The following PARP4 variants were observed in gnomAD, a reference collection of about 807,000 sequenced individuals.
PARP4 encodes poly(ADP-ribose) polymerase family member 4, also known as protein mono-ADP-ribosyltransferase PARP4.
In PARP4, 120 loss-of-function variants were observed where a neutral mutation model predicts 187.7. The observed-to-expected ratio is 0.64, with a 90% CI of 0.55 to 0.74. PARP4 has a LOEUF of 0.74. Among genes scored for constraint, PARP4 ranks in the 30% least tolerant of loss-of-function variants. The pLI is 0.00. For synonymous variants in PARP4, 654 were observed against 740.9 expected (o/e 0.88, Z 1.90); for missense variants, 1,836 against 2,070.5 (o/e 0.89, Z 2.20).
At chr13:24,483,646 G>A (rs1454361314) in intron 12 of PARP4, among the ~76,000 whole-genome samples, 3 of 151,810 alleles carry the variant, frequency 2.0e-5, no homozygotes, top group Non-Finnish European at 4.4e-5. Flanking sequence ...CATTTTTTGA[G>A]ACAGAATCTT....
intron 26 of PARP4, 91 bp downstream of exon 26, chr13:24,446,925 T>C: frequency 6.7e-7 from 1 of 1,483,532 alleles, no homozygotes; most frequent in Non-Finnish European, 9.1e-7. Flanking sequence ...GAAGAAAATC[T>C]GCTGGTGAGA....
chr13:24,461,333 T>C (rs1872206037), intron 17 of PARP4, among the ~76,000 whole-genome samples: 1 of 152,228 alleles, frequency 6.6e-6, no homozygotes, highest in Admixed American at 6.5e-5. Flanking sequence ...CTGGGGTTCA[T>C]TTGAGACACT....
chr13:24,491,223 C>T (rs1405530760), intron 9 of PARP4, among the ~76,000 whole-genome samples: 6 of 151,694 alleles, frequency 4.0e-5, no homozygotes, highest in African/African-American at 9.7e-5. Context: ...TGGGTTCAAG[C>T]GATTCTCCTG....
intron 26 of PARP4, 103 bp downstream of exon 26, chr13:24,446,910 CAGA>C (rs1871237901): frequency 2.8e-6 from 4 of 1,454,348 alleles, no homozygotes; most frequent in Non-Finnish European, 2.8e-6. Flanking sequence ...GCTGTGTTCC[CAGA>C]AGAAGAAAAT....
At chr13:24,512,492 C>A (rs1331962262) in intron 1 of PARP4, among the ~76,000 whole-genome samples, 3 of 152,204 alleles carry the variant, frequency 2.0e-5, no homozygotes, top group African/African-American at 7.2e-5. Flanking sequence ...AGGGCTGCGC[C>A]GCGGGGCAGA....
chr13:24,440,419 T>A (rs200082589), intron 30 of PARP4, among the ~76,000 whole-genome samples: 1,927 of 126,084 alleles, frequency 0.015, 55 homozygotes, highest in African/African-American at 0.052. Context: ...AAATTAAAAT[T>A]AAAAAAAAAA....
chr13:24,471,960 C>A (rs1375874218), intron 15 of PARP4, among the ~76,000 whole-genome samples: 9 of 152,200 alleles, frequency 5.9e-5, no homozygotes, highest in Non-Finnish European at 1.3e-4. Flanking sequence ...CCCAAACTCA[C>A]AGCACTAGAA....
At position 24,426,514 on chromosome 13, in the gene PARP4, C is replaced by T. The variant is rs1870057910; in HGVS notation, c.4931G>A (p.Gly1644Glu). Residue 1644 changes from glycine to glutamate, a missense_variant, in exon 33 of 34, where the codon GGA (glycine) becomes GAA (glutamate). By Grantham distance (98) the Gly-to-Glu change is moderately conservative. Coordinates refer to ENST00000381989, the MANE Select transcript of PARP4 (RefSeq NM_006437.4). ...QFIRTRLEKEGIVFKSLMKMD... is the reference protein window; with the variant it reads ...QFIRTRLEKEEIVFKSLMKMD... ...TTTCATCAGTGATTTGAACACTATTCCCTCTTTTTCCAACCTGGTGCGAAT... is the reference window on the plus strand; with the variant it reads ...TTTCATCAGTGATTTGAACACTATTTCCTCTTTTTCCAACCTGGTGCGAAT... 6.2e-7 allele frequency: 1 copy of T among 1,611,856 alleles called. No homozygotes were observed. Among genetic ancestry groups the T allele is most frequent in the Non-Finnish European group, 8.5e-7 (1 of 1,178,708 alleles).
intron 1 of PARP4, 135 bp downstream of exon 1, chr13:24,512,571 A>G (rs1456466206): frequency 3.3e-5 from 5 of 152,324 alleles, no homozygotes; most frequent in Non-Finnish European, 7.3e-5. Context: ...CGAGCCTAGC[A>G]GCGCCGTCAG....
chr13:24,484,745 C>T lies in PARP4; in HGVS notation c.1356G>A (p.Gly452=), dbSNP rs762926485. 6.3e-7 allele frequency: 1 copy of T among 1,580,980 alleles called. No individual in the cohort carries two copies. Among genetic ancestry groups the T allele is most frequent in the Non-Finnish European group, 8.7e-7 (1 of 1,149,770 alleles). Reference sequence around the variant, plus strand: ...CTTCCACTACTTTGGGTAAAAGCAACCCTCTGAAAAGAGAAGGGCAGGATA... The same window carrying T: ...CTTCCACTACTTTGGGTAAAAGCAATCCTCTGAAAAGAGAAGGGCAGGATA... ...VQNIVGILCR[G]LLLPKVVEDR... is the part of the protein sequence containing the mutation. Residue 452 remains glycine (G), a synonymous_variant, in exon 12 of 34, where the codon GGG becomes GGA. Transcript: ENST00000381989.
intron 28 of PARP4, 30 bp downstream of exon 28, chr13:24,443,620 C>T: frequency 6.9e-7 from 1 of 1,452,150 alleles, no homozygotes; most frequent in Non-Finnish European, 9.7e-7. Flanking sequence ...AGAAGAATGT[C>T]TAATCATTTT....
At chr13:24,474,868 G>A (rs567477369) in intron 15 of PARP4, among the ~76,000 whole-genome samples, 2 of 151,928 alleles carry the variant, frequency 1.3e-5, no homozygotes, top group Admixed American at 6.6e-5. Flanking sequence ...ACTGATGTGA[G>A]AGCCCCTCAC....
At chr13:24,457,793 A>AAAAAAAAAAAAG (rs1566000254) in intron 20 of PARP4, among the ~76,000 whole-genome samples, 1 of 148,514 alleles carries the variant, frequency 6.7e-6, no homozygotes, top group African/African-American at 2.5e-5. Context: ...AAAAAAAAAA[A>AAAAAAAAAAAAG]AAAGAAAAAA....
rs370510117 is a variant in PARP4 at position 24,490,630 on chromosome 13, T to C, written c.1214+38A>G. 2.5e-5 allele frequency: 38 copies of C among 1,528,896 alleles called. No individual in the cohort carries two copies. The African/African-American group carries it at 4.2e-4, about 17-fold the overall frequency. 94.7% of individuals were successfully genotyped at this position (1,528,896 alleles called of 1,614,324 possible). A position where few individuals can be genotyped will look rare whatever the true frequency, so the allele number is the denominator to read the frequency against. On this transcript the variant is annotated intron_variant, in intron 10 of 33. Transcript: ENST00000381989. ...TTTAACGGAGTCTCAAAGAGCATTATATTATAACAGATCCTGAGATATTTC... is the reference window on the plus strand; with the variant it reads ...TTTAACGGAGTCTCAAAGAGCATTACATTATAACAGATCCTGAGATATTTC...
intron 6 of PARP4, among the ~76,000 whole-genome samples, 157 bp from the exon 7 acceptor site, chr13:24,494,879 C>CTTTT (rs139965809): frequency 1.4e-5 from 2 of 146,542 alleles, no homozygotes; most frequent in Non-Finnish European, 1.5e-5. Context: ...TTTTCTTTTT[C>CTTTT]TTTTTTTTTT....
chr13:24,460,011 T>C lies in PARP4; in HGVS notation c.2259A>G (p.Ala753=). The change falls in exon 18 of 34, where the codon GCA becomes GCG. Residue 753 remains alanine (A), a synonymous_variant. Coordinates refer to ENST00000381989, the MANE Select transcript of PARP4 (RefSeq NM_006437.4). ...VGVFFMPATV[A]PWQQDKALNE... is the part of the protein sequence containing the mutation. ...TCAAAGCCTTGTCCTGTTGCCAGGG[T>C]GCTACGGTGGCGGGCATGAAAAAGA... The C allele has an allele frequency of 1.2e-6, 2 of 1,614,098 alleles. No homozygotes were observed. The highest frequency in any genetic ancestry group is 1.7e-6 in the Non-Finnish European group (2 of 1,180,016).
chr13:24,477,614 A>C, intron 14 of PARP4, 87 bp downstream of exon 14: 1 of 794,652 alleles, frequency 1.3e-6, no homozygotes, highest in South Asian at 1.6e-5. Context: ...AGATATAACA[A>C]ATGCAAATAT....
chr13:24,467,608 G>C (rs886336832), intron 17 of PARP4, among the ~76,000 whole-genome samples: 2 of 152,028 alleles, frequency 1.3e-5, no homozygotes, highest in African/African-American at 2.4e-5. Context: ...GGTATATATG[G>C]TATTTATATA....
At chr13:24,503,560 A>T (rs528160134) in intron 2 of PARP4, 85 bp downstream of exon 2, 38 of 1,482,772 alleles carry the variant, frequency 2.6e-5, no homozygotes, top group Non-Finnish European at 3.5e-5. Context: ...CCTGCTGCTA[A>T]TCTCTGCTTC....
Sources: gnomAD v4.1 joint callset for allele counts (sites outside exome capture counted in the v4.1 genomes callset) on GRCh38, gnomAD v4.1.1 for gene constraint, MANE v1.5 for transcripts, NCBI Gene and HGNC (gene_info 2026-07-23, HGNC 2026-07-21) for gene names.